CSMD1: variants seen among roughly 807,000 people sequenced by gnomAD.
The protein encoded by CSMD1 is CUB and Sushi multiple domains 1.
CSMD1 carries 213 observed loss-of-function variants against 417.5 expected under a neutral mutation model. That is an observed-to-expected ratio of 0.51 (90% CI 0.46 to 0.57). CSMD1 has a LOEUF of 0.57. Ranked by LOEUF, CSMD1 falls within the 20% of genes least tolerant of loss-of-function variation. The probability of loss-of-function intolerance (pLI) is 0.00; values close to 1 mark genes in which losing one functional copy is unlikely to be tolerated. For synonymous variants in CSMD1, 2,862 were observed against 1,736.8 expected, an observed-to-expected ratio of 1.65 and a Z score of -16.11; for missense variants, 6,923 against 4,529.7, an observed-to-expected ratio of 1.53 and a Z score of -15.17.
At chr8:3,999,207 T>C in intron 4 of CSMD1, among the ~76,000 whole-genome samples, 1 of 152,012 alleles carries the variant, frequency 6.6e-6, no homozygotes, top group East Asian at 1.9e-4. Context: ...TAATATATAT[T>C]TAACAGTCAT....
intron 5 of CSMD1, among the ~76,000 whole-genome samples, chr8:3,830,351 T>C (rs571444756): frequency 1.3e-5 from 2 of 152,220 alleles, no homozygotes; most frequent in South Asian, 4.1e-4. Flanking sequence ...GGTTCACATC[T>C]CTGCTCAGAG....
At chr8:3,451,825 T>C (rs1585184758) in intron 12 of CSMD1, among the ~76,000 whole-genome samples, 2 of 152,210 alleles carry the variant, frequency 1.3e-5, no homozygotes, top group East Asian at 3.9e-4. Context: ...ATATGAACTT[T>C]AAAGTAGTTT....
At chr8:4,812,349 T>G (rs977496161) in intron 1 of CSMD1, among the ~76,000 whole-genome samples, 2 of 152,222 alleles carry the variant, frequency 1.3e-5, no homozygotes, top group Non-Finnish European at 1.5e-5. Context: ...TCCAGTCTTT[T>G]TGGTACAAAC....
rs147143548 is a variant in CSMD1, at chr8:4,140,863, G to A, written c.416-108764C>T. On this transcript the variant is annotated intron_variant, in intron 3 of 69. Transcript: ENST00000635120. ...TCAAATCAAATCTCTGCCCAAGAGG[G>A]CATTTGGGAGATTGCTGATCGCCAA... Among the ~76,000 whole-genome samples, 103 of 151,054 alleles carry A rather than the reference G, an allele frequency of 6.8e-4. 3 individuals carry two copies. The highest frequency in any genetic ancestry group is 1.9e-3 in the African/African-American group (78 of 40,430).
At chr8:3,057,962 G>T (rs1051297451) in intron 49 of CSMD1, among the ~76,000 whole-genome samples, 1 of 151,974 alleles carries the variant, frequency 6.6e-6, no homozygotes, top group Non-Finnish European at 1.5e-5. Flanking sequence ...ACTTTCCACC[G>T]CCTGGCCAGC....
chr8:3,795,942 GATATCTATCATGTACAGAT>G (rs1800068732), intron 5 of CSMD1, among the ~76,000 whole-genome samples: 2 of 27,916 alleles, frequency 7.2e-5, no homozygotes, highest in African/African-American at 2.7e-4. Context: ...TACAGATATA[GATATCTATCATGTACAGAT>G]ATAGATATCT....
intron 2 of CSMD1, among the ~76,000 whole-genome samples, chr8:4,430,780 CA>C (rs1365469424): frequency 6.6e-6 from 1 of 152,148 alleles, no homozygotes; most frequent in African/African-American, 2.4e-5. Flanking sequence ...AAACCATTTA[CA>C]AATGACATTA....
rs912765677 is a variant in CSMD1, at chr8:4,465,338, A to G, written c.303-45273T>C. Among the ~76,000 whole-genome samples, 10 of 152,168 alleles carry G rather than the reference A, an allele frequency of 6.6e-5. 1 individual carries two copies. The highest frequency in any genetic ancestry group is 3.9e-4 in the Admixed American group (6 of 15,274). The stretch of plus-strand genomic sequence containing the variant: ...AAGATGACGGTCCCTGTGCTTGCAA[A>G]AAGTGTACATCAGTACATGTCTACT... On this transcript the variant is annotated intron_variant, in intron 2 of 69. Transcript: ENST00000635120.
At chr8:2,989,314 T>G (rs79811409) in intron 54 of CSMD1, among the ~76,000 whole-genome samples, 3,862 of 152,270 alleles carry the variant, frequency 0.025, 163 homozygotes, top group African/African-American at 0.088. Context: ...GCATATAAAT[T>G]CTGTGTACTA....
At chr8:3,957,959 T>G (rs746119697) in intron 5 of CSMD1, among the ~76,000 whole-genome samples, 3 of 152,158 alleles carry the variant, frequency 2.0e-5, no homozygotes, top group Admixed American at 6.5e-5. Context: ...TATAAAATAT[T>G]TGAAAATATT....
At chr8:4,432,993 G>C (rs1023153171) in intron 2 of CSMD1, among the ~76,000 whole-genome samples, 1 of 152,096 alleles carries the variant, frequency 6.6e-6, no homozygotes, top group Admixed American at 6.5e-5. Context: ...ATCAGTGGGA[G>C]CATTACATTC....
chr8:3,595,720 T>C (rs1171380039), intron 8 of CSMD1, among the ~76,000 whole-genome samples: 1 of 152,204 alleles, frequency 6.6e-6, no homozygotes, highest in Admixed American at 6.5e-5. Context: ...TTGATTTAAA[T>C]GTTCCAAGTT....
chr8:4,717,523 A>G (rs1395489225), intron 1 of CSMD1, among the ~76,000 whole-genome samples: 3 of 150,310 alleles, frequency 2.0e-5, no homozygotes, highest in Admixed American at 1.3e-4. Flanking sequence ...TTCAGTTACA[A>G]ACCTATCAAT....
chr8:3,646,029 G>C (rs979373485), intron 7 of CSMD1, among the ~76,000 whole-genome samples: 4 of 149,158 alleles, frequency 2.7e-5, no homozygotes, highest in Admixed American at 2.0e-4. Flanking sequence ...ACAAAAACTA[G>C]AAATATTCTA....
intron 6 of CSMD1, among the ~76,000 whole-genome samples, chr8:3,723,168 A>T (rs2720803): frequency 6.6e-6 from 1 of 152,074 alleles, no homozygotes; most frequent in Non-Finnish European, 1.5e-5. Context: ...CTTGCTGGCT[A>T]ATGAAGGGGC....
chr8:4,376,427 C>T (rs936021852), intron 3 of CSMD1, among the ~76,000 whole-genome samples: 14 of 152,026 alleles, frequency 9.2e-5, no homozygotes, highest in African/African-American at 2.9e-4. Flanking sequence ...TTTTTCTTTA[C>T]GTTTCAAAAT....
chr8:4,245,480 A>C (rs930450599), intron 3 of CSMD1, among the ~76,000 whole-genome samples: 20 of 152,096 alleles, frequency 1.3e-4, no homozygotes, highest in African/African-American at 4.3e-4. Flanking sequence ...AGCAAACAAA[A>C]ACTCTTCATG....
intron 1 of CSMD1, among the ~76,000 whole-genome samples, chr8:4,926,783 G>A (rs182006451): frequency 2.7e-3 from 408 of 152,056 alleles, no homozygotes; most frequent in African/African-American, 9.0e-3. Flanking sequence ...TCATCTCTCT[G>A]TATTGGGATG....
chr8:3,364,371 G>T (rs892239917), intron 20 of CSMD1, among the ~76,000 whole-genome samples: 2 of 152,110 alleles, frequency 1.3e-5, no homozygotes, highest in African/African-American at 2.4e-5. Context: ...TCTTCTGCAG[G>T]CTTTAGGTAT....
Sources: allele counts gnomAD v4.1 joint callset (sites outside exome capture counted in the v4.1 genomes callset), GRCh38; gene constraint gnomAD v4.1.1; transcripts MANE v1.5; gene names NCBI Gene and HGNC (gene_info 2026-07-23, HGNC 2026-07-21).